DLGAP2: variants seen among roughly 807,000 people sequenced by gnomAD.
DLGAP2 encodes DLG associated protein 2.
Under a neutral mutation model 100.3 loss-of-function variants are expected in DLGAP2, and 26 were observed. That is an observed-to-expected ratio of 0.26 (90% CI 0.19 to 0.36). DLGAP2 has a LOEUF of 0.36. Ranked by LOEUF, DLGAP2 falls within the 10% of genes least tolerant of loss-of-function variation. DLGAP2 has a pLI of 1.00. For missense variants in DLGAP2, 1,858 were observed against 1,453.2 expected (o/e 1.28, Z -4.53); for synonymous variants, 886 against 630.1 (o/e 1.41, Z -6.08).
At chr8:919,303 G>T (rs1380619469) in intron 2 of DLGAP2, among the ~76,000 whole-genome samples, 2 of 152,208 alleles carry the variant, frequency 1.3e-5, no homozygotes, top group African/African-American at 4.8e-5. Context: ...TGGTGCTGGG[G>T]TAGCTGAGAC....
In DLGAP2 at chr8:1,674,998, G is replaced by C. The variant is rs114655440; in HGVS notation, c.2203-1535G>C. 3.1e-3 allele frequency among the ~76,000 whole-genome samples: 465 copies of C among 152,328 alleles called. 1 individual carries two copies. Among genetic ancestry groups the C allele is most frequent in the African/African-American group, 0.011 (445 of 41,564 alleles). ...CGTGACCCACTTAACACTAGAAACG[G>C]GAATGGTAAATTCTGACAGGAAGGC... On this transcript the variant is annotated intron_variant, in intron 10 of 14. Transcript: ENST00000637795.
intron 2 of DLGAP2, among the ~76,000 whole-genome samples, chr8:1,078,622 T>C (rs1803701063): frequency 6.6e-6 from 1 of 152,238 alleles, no homozygotes; most frequent in Admixed American, 6.5e-5. Flanking sequence ...TCATAGTTTT[T>C]TCTTTTCCAG....
At chr8:1,301,881 C>G (rs1800351645) in intron 3 of DLGAP2, 1 of 152,350 alleles carries the variant, frequency 6.6e-6, no homozygotes. Context: ...CAACACAACA[C>G]GACATTTGCC....
chr8:1,191,432 A>C (rs371482760), intron 2 of DLGAP2, among the ~76,000 whole-genome samples: 3 of 152,308 alleles, frequency 2.0e-5, no homozygotes, highest in African/African-American at 7.2e-5. Flanking sequence ...AGCCTCCCAA[A>C]GTGCGGGGAT....
chr8:1,593,271 G>T (rs538529143), intron 6 of DLGAP2, among the ~76,000 whole-genome samples: 1 of 151,930 alleles, frequency 6.6e-6, no homozygotes, highest in Non-Finnish European at 1.5e-5. Flanking sequence ...TGGGTAACAC[G>T]GTGCAACCCC....
At chr8:1,107,945 G>A (rs73524655) in intron 2 of DLGAP2, among the ~76,000 whole-genome samples, 2,240 of 152,306 alleles carry the variant, frequency 0.015, 56 homozygotes, top group African/African-American at 0.051. Context: ...GTAACCCTGG[G>A]TTGTGGACTC....
At chr8:1,278,310 G>A (rs1207980809) in intron 3 of DLGAP2, among the ~76,000 whole-genome samples, 1 of 152,192 alleles carries the variant, frequency 6.6e-6, no homozygotes, top group East Asian at 1.9e-4. Flanking sequence ...AACAGAATTA[G>A]ACAGCATGGT....
At chr8:1,449,835 GACTGTA>G (rs1212565662) in intron 3 of DLGAP2, among the ~76,000 whole-genome samples, 8,320 of 115,816 alleles carry the variant, frequency 0.072, 447 homozygotes, top group African/African-American at 0.14. Context: ...CGGTGGCTGT[GACTGTA>G]GCGGAGCTGT....
intron 10 of DLGAP2, among the ~76,000 whole-genome samples, chr8:1,672,308 C>G (rs1419799072): frequency 2.6e-5 from 4 of 151,686 alleles, no homozygotes; most frequent in Non-Finnish European, 4.4e-5. Flanking sequence ...TCACTGCAGC[C>G]TCCGCCTCCA....
chr8:1,106,881 A>G (rs1411248071), intron 2 of DLGAP2, among the ~76,000 whole-genome samples: 1 of 152,196 alleles, frequency 6.6e-6, no homozygotes, highest in Non-Finnish European at 1.5e-5. Context: ...ATGAGAATAG[A>G]ACCATTTGGA....
At chr8:1,577,076 A>G (rs7835767) in intron 6 of DLGAP2, among the ~76,000 whole-genome samples, 4,216 of 152,306 alleles carry the variant, frequency 0.028, 202 homozygotes, top group African/African-American at 0.097. Flanking sequence ...TTAGATCAGT[A>G]GCACACTGAA....
intron 2 of DLGAP2, among the ~76,000 whole-genome samples, chr8:1,119,628 C>G (rs1488641581): frequency 1.3e-5 from 2 of 152,266 alleles, no homozygotes; most frequent in Non-Finnish European, 2.9e-5. Flanking sequence ...CACGCTGTTT[C>G]CTCATGTGAA....
chr8:880,610 G>A (rs981435384), intron 1 of DLGAP2, among the ~76,000 whole-genome samples: 4 of 146,032 alleles, frequency 2.7e-5, no homozygotes, highest in African/African-American at 1.0e-4. Context: ...TCCAGTGTGT[G>A]TCCCCTCTCC....
chr8:1,545,946 A>G (rs1367878681), intron 4 of DLGAP2, among the ~76,000 whole-genome samples: 1 of 152,214 alleles, frequency 6.6e-6, no homozygotes, highest in East Asian at 1.9e-4. Context: ...ATTGTATTAA[A>G]TTACACGTTA....
intron 4 of DLGAP2, among the ~76,000 whole-genome samples, chr8:1,503,407 A>G (rs925430886): frequency 2.6e-5 from 4 of 152,056 alleles, no homozygotes; most frequent in African/African-American, 7.3e-5. Context: ...CTCATTTCAC[A>G]TGGGGTAATG....
At chr8:1,542,547 T>G (rs1165139555) in intron 4 of DLGAP2, among the ~76,000 whole-genome samples, 1 of 152,208 alleles carries the variant, frequency 6.6e-6, no homozygotes, top group Non-Finnish European at 1.5e-5. Context: ...TGAAGGCCCT[T>G]CCCTGGTGCA....
At chr8:1,397,877 TC>T (rs1216759131) in intron 3 of DLGAP2, among the ~76,000 whole-genome samples, 2 of 1,036 alleles carry the variant, frequency 1.9e-3, no homozygotes, top group Admixed American at 6.3e-3. Flanking sequence ...ATGTGACGTT[TC>T]TGTTTTTTTT....
At chr8:1,321,101 A>G (rs898663378) in intron 3 of DLGAP2, among the ~76,000 whole-genome samples, 3 of 148,358 alleles carry the variant, frequency 2.0e-5, no homozygotes, top group African/African-American at 7.5e-5. Flanking sequence ...GCATGCATCC[A>G]TGTGCCTCTG....
chr8:1,377,114 C>T (rs759660421), intron 3 of DLGAP2, among the ~76,000 whole-genome samples: 3 of 152,228 alleles, frequency 2.0e-5, no homozygotes, highest in Non-Finnish European at 4.4e-5. Context: ...TAGGCGTGTG[C>T]GTCCCAGCGA....
Sources: allele counts gnomAD v4.1 joint callset (sites outside exome capture counted in the v4.1 genomes callset), GRCh38; gene constraint gnomAD v4.1.1; transcripts MANE v1.5; gene names NCBI Gene and HGNC (gene_info 2026-07-23, HGNC 2026-07-21).